CNKSR3: variants seen among roughly 807,000 people sequenced by gnomAD.
CNKSR3 encodes the protein connector enhancer of kinase suppressor of ras 3.
Under a neutral mutation model 67.7 loss-of-function variants are expected in CNKSR3, and 36 were observed. That is an observed-to-expected ratio of 0.53 (90% CI 0.41 to 0.70). CNKSR3 has a LOEUF of 0.70. Ranked by LOEUF, CNKSR3 falls within the 30% of genes least tolerant of loss-of-function variation. CNKSR3 has a pLI of 0.00. For missense variants in CNKSR3, 630 were observed against 695.2 expected (o/e 0.91, Z 1.05); for synonymous variants, 281 against 271.4 (o/e 1.04, Z -0.35).
At position 154,481,492 on chromosome 6, in the gene CNKSR3, T is replaced by G. The variant is rs980775136; in HGVS notation, c.52+28571A>C. ...AACACAGTTTCTAAGTCACTGAGCA[T>G]GAAAGTCCATCTCTCCTCGAGAAGT... On this transcript the variant is annotated intron_variant, in intron 1 of 12. Coordinates refer to ENST00000607772, the MANE Select transcript of CNKSR3 (RefSeq NM_173515.4). Among the ~76,000 whole-genome samples the G allele has an allele frequency of 2.6e-5, 4 of 152,236 alleles. No homozygotes were observed. In the East Asian group the frequency reaches 7.7e-4, roughly 29 times the overall value.
At chr6:154,413,315 G>A (rs908174121) in intron 10 of CNKSR3, among the ~76,000 whole-genome samples, 2 of 151,930 alleles carry the variant, frequency 1.3e-5, no homozygotes, top group Non-Finnish European at 2.9e-5. Flanking sequence ...CTGCAGCCTC[G>A]ACCTCCTGGG....
rs111589271 is a variant in CNKSR3 at position 154,492,009 on chromosome 6, A to G, written c.52+18054T>C. ...TTCCTCTCCTCCTGTTTGTTCTTGAATTTACTCATCAGCTGTGTGTCCCAC... is the reference window on the plus strand; with the variant it reads ...TTCCTCTCCTCCTGTTTGTTCTTGAGTTTACTCATCAGCTGTGTGTCCCAC... On this transcript the variant is annotated intron_variant, in intron 1 of 12. Transcript: ENST00000607772. Among the ~76,000 whole-genome samples the G allele has an allele frequency of 5.6e-3, 848 of 152,128 alleles. 7 individuals are homozygous for G. The highest frequency in any genetic ancestry group is 0.019 in the African/African-American group (798 of 41,490).
chr6:154,473,211 G>A (rs1786369134), intron 1 of CNKSR3, among the ~76,000 whole-genome samples: 1 of 152,200 alleles, frequency 6.6e-6, no homozygotes, highest in Non-Finnish European at 1.5e-5. Flanking sequence ...GAAGACGTTA[G>A]ACAAGTGCCA....
chr6:154,508,615 G>A (rs1787148761), intron 1 of CNKSR3, among the ~76,000 whole-genome samples: 1 of 152,208 alleles, frequency 6.6e-6, no homozygotes, highest in Admixed American at 6.5e-5. Flanking sequence ...GCGTGGGCAT[G>A]GATGGCTTTT....
In CNKSR3 at chr6:154,399,395, A is replaced by C. The variant is rs1784693346; in HGVS notation, c.*6959T>G. The C allele has an allele frequency of 6.6e-6, 1 of 152,152 alleles. No individual in the cohort carries two copies. The highest frequency in any genetic ancestry group is 2.4e-5 in the African/African-American group (1 of 41,424). The allele number at this position is 152,152 out of a possible 1,614,324, so 9.4% of individuals were successfully genotyped here. A position where few individuals can be genotyped will look rare whatever the true frequency, so the allele number is the denominator to read the frequency against. ...AGACTATGCGAAGAAAGGGCCTTAA[A>C]AACATTATCTCATTTAATCACCATA... On this transcript the variant is annotated 3_prime_UTR_variant, in exon 13 of 13. Transcript: ENST00000607772.
rs749643577 is a variant in CNKSR3 at position 154,411,011 on chromosome 6, T to C, written c.1202A>G (p.Asp401Gly). Residue 401 changes from aspartate (D) to glycine (G), a missense_variant, in exon 11 of 13, where the codon GAC (aspartate) becomes GGC (glycine). This residue lies in a region of CNKSR3 where 308 missense variants were observed against 299.6 expected (regional missense o/e 1.03). Coordinates refer to ENST00000607772, the MANE Select transcript of CNKSR3 (RefSeq NM_173515.4). ...CGAGTACCCAGGCAACTGATCCGAGTCTGCAATGGTGAATCTTCGTCTCCG... is the reference window on the plus strand; with the variant it reads ...CGAGTACCCAGGCAACTGATCCGAGCCTGCAATGGTGAATCTTCGTCTCCG... ...ESRRRRFTIA[D>G]SDQLPGYSVE... The C allele has an allele frequency of 2.5e-6, 4 of 1,613,828 alleles. No homozygotes were observed. The highest frequency in any genetic ancestry group is 2.5e-6 in the Non-Finnish European group (3 of 1,179,982).
At chr6:154,486,736 C>T (rs1441225502) in intron 1 of CNKSR3, among the ~76,000 whole-genome samples, 9 of 152,016 alleles carry the variant, frequency 5.9e-5, no homozygotes, top group Non-Finnish European at 1.0e-4. Flanking sequence ...TCAGGTGATC[C>T]GCTTGCCTCG....
At chr6:154,492,620 C>A (rs1786801992) in intron 1 of CNKSR3, among the ~76,000 whole-genome samples, 1 of 152,018 alleles carries the variant, frequency 6.6e-6, no homozygotes, top group African/African-American at 2.4e-5. Flanking sequence ...ATGATGCATA[C>A]CTGTAATCCC....
intron 4 of CNKSR3, among the ~76,000 whole-genome samples, chr6:154,435,838 T>C (rs1187174398): frequency 6.6e-6 from 1 of 152,272 alleles, no homozygotes; most frequent in African/African-American, 2.4e-5. Context: ...GCAGTAGGTT[T>C]AACTTCTCTG....
intron 2 of CNKSR3, among the ~76,000 whole-genome samples, chr6:154,448,768 G>A (rs960545140): frequency 6.6e-6 from 1 of 152,158 alleles, no homozygotes. Flanking sequence ...ACAAGGCTCT[G>A]TCCATTTTAA....
chr6:154,508,212 T>C (rs1272965910), intron 1 of CNKSR3, among the ~76,000 whole-genome samples: 2 of 152,230 alleles, frequency 1.3e-5, no homozygotes, highest in Non-Finnish European at 2.9e-5. Flanking sequence ...TGTAAGAAGG[T>C]AAAAATAAAC....
At chr6:154,407,814 T>G (rs1784827470) in intron 12 of CNKSR3, among the ~76,000 whole-genome samples, 2 of 145,972 alleles carry the variant, frequency 1.4e-5, no homozygotes, top group South Asian at 4.3e-4. Flanking sequence ...TTCTAAATTC[T>G]AAGTTTTCTA....
intron 9 of CNKSR3, among the ~76,000 whole-genome samples, chr6:154,417,049 T>C (rs1785037890): frequency 6.6e-6 from 1 of 152,220 alleles, no homozygotes; most frequent in African/African-American, 2.4e-5. Context: ...ACTCATGTTC[T>C]GAACATAACC....
intron 7 of CNKSR3, among the ~76,000 whole-genome samples, 177 bp downstream of exon 7, chr6:154,427,951 T>C (rs1171897445): frequency 6.6e-6 from 1 of 152,126 alleles, no homozygotes; most frequent in Non-Finnish European, 1.5e-5. Context: ...ATTTAAATAA[T>C]AGATTGACAA....
intron 7 of CNKSR3, among the ~76,000 whole-genome samples, chr6:154,423,292 T>C (rs1785185545): frequency 1.3e-5 from 2 of 152,108 alleles, no homozygotes; most frequent in South Asian, 4.1e-4. Flanking sequence ...TAAGACGGAG[T>C]CTCACTCTGT....
chr6:154,499,301 A>C (rs1786936899), intron 1 of CNKSR3, among the ~76,000 whole-genome samples: 2 of 152,198 alleles, frequency 1.3e-5, no homozygotes, highest in Non-Finnish European at 2.9e-5. Flanking sequence ...AGTCTGGCTT[A>C]TGTCACCTAT....
At chr6:154,438,635 C>G (rs1785521461) in intron 4 of CNKSR3, among the ~76,000 whole-genome samples, 1 of 152,158 alleles carries the variant, frequency 6.6e-6, no homozygotes, top group African/African-American at 2.4e-5. Flanking sequence ...CTATAGCTGC[C>G]TCTCTCTGAA....
intron 1 of CNKSR3, among the ~76,000 whole-genome samples, chr6:154,471,591 A>G (rs2114627827): frequency 6.6e-6 from 1 of 152,356 alleles, no homozygotes; most frequent in Non-Finnish European, 1.5e-5. Flanking sequence ...ACTTAGCTAG[A>G]TGGAACTGTC....
rs1787189769 is a variant in CNKSR3 at position 154,510,285 on chromosome 6, C to G, written c.-171G>C. 1 of 652,060 alleles carries G rather than the reference C, an allele frequency of 1.5e-6. No homozygotes were observed. The highest frequency in any genetic ancestry group is 2.6e-6 in the Non-Finnish European group (1 of 380,890). 40.4% of individuals were successfully genotyped at this position (652,060 alleles called of 1,614,324 possible). A position where few individuals can be genotyped will look rare whatever the true frequency, so the allele number is the denominator to read the frequency against. The stretch of plus-strand genomic sequence containing the variant: ...GCCAGTCGTCCCAGCGCGGCTCCGC[C>G]AGGGGAGCCCGGCCCTCTCCCTCCA... On this transcript the variant is annotated 5_prime_UTR_variant, in exon 1 of 13. Coordinates refer to ENST00000607772, the MANE Select transcript of CNKSR3 (RefSeq NM_173515.4).
Sources: allele counts gnomAD v4.1 joint callset (sites outside exome capture counted in the v4.1 genomes callset), GRCh38; gene constraint gnomAD v4.1.1; regional missense constraint gnomAD v4.1.1; transcripts MANE v1.5; gene names NCBI Gene and HGNC (gene_info 2026-07-23, HGNC 2026-07-21).